SPINK1: variants seen among roughly 807,000 people sequenced by gnomAD.
SPINK1 encodes serine protease inhibitor Kazal-type 1.
A neutral mutation model predicts 9.5 loss-of-function variants in SPINK1; 5 were observed. That is an observed-to-expected ratio of 0.52 (90% CI 0.27 to 1.10). The LOEUF is 1.10. Ranked by LOEUF, SPINK1 falls within the 50% of genes least tolerant of loss-of-function variation. SPINK1 has a pLI of 0.11. For synonymous variants in SPINK1, 37 were observed against 32.3 expected, an observed-to-expected ratio of 1.14 and a Z score of -0.49; for missense variants, 88 against 92.7, an observed-to-expected ratio of 0.95 and a Z score of 0.21.
rs1008500160 is a variant in SPINK1 at position 147,829,692 on chromosome 5, A to G, written c.56-62T>C. The G allele has an allele frequency of 2.4e-5, 36 of 1,470,236 alleles. No individual in the cohort carries two copies. In the East Asian group the frequency reaches 4.3e-4, roughly 18 times the overall value. The allele number at this position is 1,470,236 out of a possible 1,614,324, so 91.1% of individuals were successfully genotyped here. On this transcript the variant is annotated intron_variant, in intron 1 of 3. Coordinates refer to ENST00000296695, the MANE Select transcript of SPINK1 (RefSeq NM_001379610.1). ...ATGAAAGAAGTCAGATCTATTCTTC[A>G]TCAGAATTCTCTGCTTTCATTGCAG... is the stretch of plus-strand genomic sequence containing the variant.
chr5:147,838,219 A>T, the SPINK1 span, among the ~76,000 whole-genome samples: 2 of 152,240 alleles, frequency 1.3e-5, no homozygotes, highest in African/African-American at 4.8e-5. Flanking sequence ...TCCAGTTGAG[A>T]AACGTGTTTA....
Position 147,826,827 on chromosome 5 carries a change from G to T in SPINK1, c.194+1195C>A, listed in dbSNP as rs190550942. On this transcript the variant is annotated intron_variant, in intron 3 of 3. Coordinates refer to ENST00000296695, the MANE Select transcript of SPINK1 (RefSeq NM_001379610.1). ...CTAAACTCTGAGAATTTTCCAAAATGGTTTAAAACAGCCCAAGAAGAAGGT... is the reference window on the plus strand; with the variant it reads ...CTAAACTCTGAGAATTTTCCAAAATTGTTTAAAACAGCCCAAGAAGAAGGT... 4.0e-3 allele frequency among the ~76,000 whole-genome samples: 604 copies of T among 152,176 alleles called. 3 individuals are homozygous for T. Among genetic ancestry groups the T allele is most frequent in the African/African-American group, 0.013 (524 of 41,494 alleles).
At chr5:147,825,622 A>G (rs1756388545) in intron 3 of SPINK1, among the ~76,000 whole-genome samples, 1 of 151,878 alleles carries the variant, frequency 6.6e-6, no homozygotes, top group Admixed American at 6.6e-5. Flanking sequence ...TTGTATTTTT[A>G]GTAGAGACGG....
rs113511958 is a variant in SPINK1, at chr5:147,828,473, C to T, written c.88-345G>A. On this transcript the variant is annotated intron_variant, in intron 2 of 3. Transcript: ENST00000296695. ...ATAATGTTCAAGTTTGCAATTACTG[C>T]GGGTGCTGGCATCTCTCAGGTTGGC... 9.6e-3 allele frequency among the ~76,000 whole-genome samples: 1,457 copies of T among 152,182 alleles called. 14 individuals are homozygous for T. The highest frequency in any genetic ancestry group is 0.031 in the African/African-American group (1,306 of 41,514).
chr5:147,834,899 A>G (rs1344839926), upstream of SPINK1, among the ~76,000 whole-genome samples: 1 of 152,128 alleles, frequency 6.6e-6, no homozygotes, highest in African/African-American at 2.4e-5. Context: ...AAACAGTCTT[A>G]TTATATGTGA....
intron 3 of SPINK1, chr5:147,827,019 G>A (rs747515433): frequency 9.2e-5 from 14 of 151,924 alleles, no homozygotes; most frequent in Non-Finnish European, 1.9e-4. Flanking sequence ...ATTTAACCTG[G>A]CATGCTCTTT....
Position 147,831,550 on chromosome 5 carries a change from TG to T in SPINK1, c.27del (p.Ser10ValfsTer6), listed in dbSNP as rs193922659. On this transcript the variant is annotated frameshift_variant, in exon 1 of 4. Transcript: ENST00000296695. LOFTEE classifies it high-confidence loss of function. MKVTGIFL[L>X]SALALLSLSG... is the part of the protein sequence containing the mutation. ...GATAGACTCAACAGGGCCAAGGCAC[TG>T]AGAAGAAAGATGCCTGTTACCTTCA... 39 of 1,613,610 alleles carry T rather than the reference TG, an allele frequency of 2.4e-5. No individual in the cohort carries two copies. Among genetic ancestry groups the T allele is most frequent in the Admixed American group, 6.7e-5 (4 of 59,972 alleles).
chr5:147,829,155 G>C (rs565407061), intron 2 of SPINK1, among the ~76,000 whole-genome samples: 5 of 149,206 alleles, frequency 3.4e-5, no homozygotes, highest in Non-Finnish European at 5.9e-5. Context: ...GAAAAGGTTA[G>C]AGTTAGAATA....
chr5:147,824,878 C>A (rs1756372644), intron 3 of SPINK1, among the ~76,000 whole-genome samples, 172 bp from the exon 4 acceptor site: 1 of 152,164 alleles, frequency 6.6e-6, no homozygotes, highest in Non-Finnish European at 1.5e-5. Flanking sequence ...GTCATTAATT[C>A]ATCAAATATT....
chr5:147,835,597 G>A (rs1003819323), upstream of SPINK1, among the ~76,000 whole-genome samples: 1 of 151,936 alleles, frequency 6.6e-6, no homozygotes, highest in Non-Finnish European at 1.5e-5. Context: ...AACATATTAT[G>A]ACCTACTCCC....
chr5:147,831,127 A>G lies in SPINK1; in HGVS notation c.55+396T>C, dbSNP rs185415776. ...TAATCAGTCAAATTATGCCTTTTAT[A>G]CTGAATAACTGGAAGCCATTTATCT... On this transcript the variant is annotated intron_variant, in intron 1 of 3. Transcript: ENST00000296695. Among the ~76,000 whole-genome samples the G allele has an allele frequency of 1.5e-3, 228 of 152,340 alleles. 3 individuals are homozygous for G. The highest frequency in any genetic ancestry group is 5.3e-3 in the African/African-American group (219 of 41,580).
upstream of SPINK1, among the ~76,000 whole-genome samples, chr5:147,835,946 G>T (rs181044102): frequency 1.0e-3 from 158 of 151,980 alleles, no homozygotes; most frequent in African/African-American, 3.7e-3. Flanking sequence ...CTCCAAATAG[G>T]TTGCATGTGT....
At chr5:147,835,414 T>C (rs1051320800), upstream of SPINK1, among the ~76,000 whole-genome samples, 1 of 152,126 alleles carries the variant, frequency 6.6e-6, no homozygotes. Context: ...AGAATAAATA[T>C]TGTTTGCCCC....
chr5:147,837,755 G>T, the SPINK1 span, among the ~76,000 whole-genome samples: 1 of 143,706 alleles, frequency 7.0e-6, no homozygotes. Context: ...GGGCTGGAGT[G>T]CAGTGGCATG....
In SPINK1 at chr5:147,824,603, C is replaced by T; in HGVS notation, c.*58G>A. 6.5e-7 allele frequency: 1 copy of T among 1,537,228 alleles called. No individual in the cohort carries two copies. Among genetic ancestry groups the T allele is most frequent in the Non-Finnish European group, 9.0e-7 (1 of 1,111,016 alleles). On this transcript the variant is annotated 3_prime_UTR_variant, in exon 4 of 4. Transcript: ENST00000296695. ...CAGGGGATATTCAGATACATTTATT[C>T]AACAATAAGGCCAGTCAGGCCTCGC... is the stretch of plus-strand genomic sequence containing the variant.
At position 147,828,085 on chromosome 5, in the gene SPINK1, T is replaced by G; in HGVS notation, c.131A>C (p.Asp44Ala). 1 of 1,613,516 alleles carries G rather than the reference T, an allele frequency of 6.2e-7. No homozygotes were observed. The highest frequency in any genetic ancestry group is 8.5e-7 in the Non-Finnish European group (1 of 1,179,846). Residue 44 changes from aspartate (D) to alanine (A), a missense_variant, in exon 3 of 4, where the codon GAC (aspartate) becomes GCC (alanine). Asp to Ala is a moderately radical substitution (Grantham distance 126). Transcript: ENST00000296695. ...ATTTCCATCAGTCCCACAGACAGGG[T>G]CATATATCTTGGTGCATCCATTAAG... Reference protein sequence around the residue: ...NELNGCTKIYDPVCGTDGNTY... With the variant: ...NELNGCTKIYAPVCGTDGNTY...
At chr5:147,830,134 T>C (rs1756483446) in intron 1 of SPINK1, among the ~76,000 whole-genome samples, 1 of 152,200 alleles carries the variant, frequency 6.6e-6, no homozygotes, top group Non-Finnish European at 1.5e-5. Context: ...GCTTTTTCAA[T>C]TACATTTAAA....
chr5:147,826,801 G>A lies in SPINK1; in HGVS notation c.194+1221C>T, dbSNP rs531389309. On this transcript the variant is annotated intron_variant, in intron 3 of 3. Transcript: ENST00000296695. Reference sequence around the variant, plus strand: ...CAGAGGTCCTATTTCCACAATACTTGCTAAACTCTGAGAATTTTCCAAAAT... The same window carrying A: ...CAGAGGTCCTATTTCCACAATACTTACTAAACTCTGAGAATTTTCCAAAAT... 2.5e-3 allele frequency among the ~76,000 whole-genome samples: 377 copies of A among 152,224 alleles called. 1 individual carries two copies. Among genetic ancestry groups the A allele is most frequent in the Non-Finnish European group, 4.0e-3 (275 of 68,012 alleles).
chr5:147,825,204 C>T (rs1756378516), intron 3 of SPINK1, among the ~76,000 whole-genome samples: 1 of 152,154 alleles, frequency 6.6e-6, no homozygotes, highest in African/African-American at 2.4e-5. Flanking sequence ...ATCCTCCCCT[C>T]CAGATAAAAC....
Sources: allele counts gnomAD v4.1 joint callset (sites outside exome capture counted in the v4.1 genomes callset), GRCh38; gene constraint gnomAD v4.1.1; transcripts MANE v1.5; gene names NCBI Gene and HGNC (gene_info 2026-07-23, HGNC 2026-07-21).